TSPAN11: variants seen among roughly 807,000 people sequenced by gnomAD.
The protein encoded by TSPAN11 is tetraspanin 11, also known as tetraspanin-11.
TSPAN11 carries 29 observed loss-of-function variants against 32.9 expected under a neutral mutation model. That is an observed-to-expected ratio of 0.88 (90% CI 0.66 to 1.20). The LOEUF (loss-of-function observed/expected upper bound fraction) is 1.20, where lower values mean the gene tolerates loss of function less well. Ranked by LOEUF, TSPAN11 falls within the 50% of genes most tolerant of loss-of-function variation. TSPAN11 has a pLI of 0.00. For synonymous variants in TSPAN11, 140 were observed against 141.3 expected, an observed-to-expected ratio of 0.99 and a Z score of 0.07; for missense variants, 283 against 329.1, an observed-to-expected ratio of 0.86 and a Z score of 1.08.
At chr12:30,979,292 C>A (rs918621138) in intron 4 of TSPAN11, among the ~76,000 whole-genome samples, 1 of 152,176 alleles carries the variant, frequency 6.6e-6, no homozygotes, top group African/African-American at 2.4e-5. Context: ...CTGGATGTGA[C>A]CCTTTACCTG....
At chr12:30,939,575 TC>T (rs2140273911) in intron 1 of TSPAN11, among the ~76,000 whole-genome samples, 1 of 152,318 alleles carries the variant, frequency 6.6e-6, no homozygotes, top group African/African-American at 2.4e-5. Flanking sequence ...CACTTTTGAT[TC>T]TGAGTTCTGC....
the TSPAN11 span, among the ~76,000 whole-genome samples, chr12:31,007,055 C>T: frequency 4.6e-5 from 7 of 152,158 alleles, no homozygotes; most frequent in African/African-American, 1.4e-4. Context: ...GGGGGGGCCC[C>T]TCCCCAGGGG....
At position 30,979,626 on chromosome 12, in the gene TSPAN11, G is replaced by A. The variant is rs369268483; in HGVS notation, c.412G>A (p.Gly138Arg). ...TCTGGCTGAGAACTACGGGCAGCCC[G>A]GAGCCACGCAGATCACCGCCTCAGT... ...RTLAENYGQP[G>R]ATQITASVDR... is the part of the protein sequence containing the mutation. Residue 138 changes from glycine to arginine, a missense_variant, in exon 5 of 8, where the codon GGA (glycine) becomes AGA (arginine). Gly to Arg is a moderately radical substitution (Grantham distance 125, BLOSUM62 -2). Transcript: ENST00000546076. 2.6e-5 allele frequency: 42 copies of A among 1,614,140 alleles called. No homozygotes were observed. Among genetic ancestry groups the A allele is most frequent in the African/African-American group, 1.5e-4 (11 of 75,054 alleles).
At chr12:30,944,292 TA>T (rs1938224194) in intron 1 of TSPAN11, among the ~76,000 whole-genome samples, 1 of 152,172 alleles carries the variant, frequency 6.6e-6, no homozygotes, top group Non-Finnish European at 1.5e-5. Context: ...AATATATTAT[TA>T]ACTATAGTTA....
chr12:30,991,151 C>T (rs188157446), intron 7 of TSPAN11, among the ~76,000 whole-genome samples: 1 of 152,314 alleles, frequency 6.6e-6, no homozygotes, highest in African/African-American at 2.4e-5. Flanking sequence ...GCTGTGGATA[C>T]CGACAGAAGG....
At chr12:30,946,551 A>C (rs1938270549) in intron 1 of TSPAN11, among the ~76,000 whole-genome samples, 1 of 152,194 alleles carries the variant, frequency 6.6e-6, no homozygotes, top group Admixed American at 6.5e-5. Flanking sequence ...CAGCCTGCTA[A>C]GTAAATATGG....
At position 30,927,137 on chromosome 12, in the gene TSPAN11, A is replaced by G. The variant is rs755279369; in HGVS notation, c.-12+341A>G. ...TCGTGCCGTCCAGCGTGCCCGGGGC[A>G]TGTCTGTTCCTCTTGAAAATGTCAT... On this transcript the variant is annotated intron_variant, in intron 1 of 7. Transcript: ENST00000546076. The G allele has an allele frequency of 3.8e-6, 3 of 789,696 alleles. No homozygotes were observed. The African/African-American group carries it at 5.7e-5, about 15-fold the overall frequency. 48.9% of individuals were successfully genotyped at this position (789,696 alleles called of 1,614,324 possible).
the TSPAN11 span, among the ~76,000 whole-genome samples, chr12:31,004,446 A>T: frequency 6.6e-6 from 1 of 152,078 alleles, no homozygotes; most frequent in Non-Finnish European, 1.5e-5. Flanking sequence ...TGGGAAGGAG[A>T]TAGAGATCAT....
chr12:31,013,981 C>T, the TSPAN11 span, among the ~76,000 whole-genome samples: 1 of 152,218 alleles, frequency 6.6e-6, no homozygotes, highest in Non-Finnish European at 1.5e-5. Flanking sequence ...ATATTGATTA[C>T]ATGCTAAAAT....
Position 30,994,794 on chromosome 12 carries a change from G to A in TSPAN11, c.*2879G>A, listed in dbSNP as rs925921714. 13 of 152,148 alleles carry A rather than the reference G, an allele frequency of 8.5e-5. No homozygotes were observed. The highest frequency in any genetic ancestry group is 2.9e-4 in the African/African-American group (12 of 41,430). 9.4% of individuals were successfully genotyped at this position (152,148 alleles called of 1,614,324 possible). ...TATCTCGCAGTTACCCCAGCAAGAGGGTGTTATTTCCCCCATTTTATAAAA... is the reference window on the plus strand; with the variant it reads ...TATCTCGCAGTTACCCCAGCAAGAGAGTGTTATTTCCCCCATTTTATAAAA... On this transcript the variant is annotated 3_prime_UTR_variant, in exon 8 of 8. Transcript: ENST00000546076.
At position 30,982,540 on chromosome 12, in the gene TSPAN11, C is replaced by T; in HGVS notation, c.465C>T (p.Cys155=). Residue 155 remains cysteine, a synonymous_variant, in exon 6 of 8, where the codon TGC becomes TGT. Coordinates refer to ENST00000546076, the MANE Select transcript of TSPAN11 (RefSeq NM_001370302.1). ...SVDRLQQDFK[C]CGSNSSADWQ... ...TCTGCCTCTGCCTCCAGTTCAAGTG[C>T]TGTGGAAGCAACAGCTCAGCCGACT... is the stretch of plus-strand genomic sequence containing the variant. The T allele has an allele frequency of 6.2e-7, 1 of 1,607,622 alleles. No individual in the cohort carries two copies. The highest frequency in any genetic ancestry group is 8.5e-7 in the Non-Finnish European group (1 of 1,175,258).
rs73286411 is a variant in TSPAN11 at position 30,930,391 on chromosome 12, G to A, written c.-12+3595G>A. ...CTAAGTGGCACTCACCCAAGCCCCA[G>A]CTGGAGCTGCGAGAAGGAAAGGTGT... On this transcript the variant is annotated intron_variant, in intron 1 of 7. Transcript: ENST00000546076. Among the ~76,000 whole-genome samples, 561 of 152,280 alleles carry A rather than the reference G, an allele frequency of 3.7e-3. 6 individuals are homozygous for A. Among genetic ancestry groups the A allele is most frequent in the African/African-American group, 0.013 (536 of 41,552 alleles).
chr12:30,991,923 C>A lies in TSPAN11; in HGVS notation c.*8C>A, dbSNP rs1450001260. 1.3e-5 allele frequency: 21 copies of A among 1,614,046 alleles called. No homozygotes were observed. Among genetic ancestry groups the A allele is most frequent in the East Asian group, 2.2e-5 (1 of 44,888 alleles). On this transcript the variant is annotated 3_prime_UTR_variant, in exon 8 of 8. Coordinates refer to ENST00000546076, the MANE Select transcript of TSPAN11 (RefSeq NM_001370302.1). Reference sequence around the variant, plus strand: ...CAGCGGCATTTTTACTAATGGCCAACCACCTCCTCTTCCAACTGCCCCTCA... The same window carrying A: ...CAGCGGCATTTTTACTAATGGCCAAACACCTCCTCTTCCAACTGCCCCTCA...
chr12:31,002,231 A>T, the TSPAN11 span, among the ~76,000 whole-genome samples: 1 of 152,002 alleles, frequency 6.6e-6, no homozygotes, highest in Non-Finnish European at 1.5e-5. This position sits in a 1 kb window ranked among gnomAD's most constrained non-coding sequence, Gnocchi z 4.8. Context: ...GGGGCCCTGG[A>T]GGCTGATGCC....
Position 30,992,257 on chromosome 12 carries a change from ACCTGGAACAATCGGCAGAAAAC to A in TSPAN11, c.*345_*366del. On this transcript the variant is annotated 3_prime_UTR_variant, in exon 8 of 8. Coordinates refer to ENST00000546076, the MANE Select transcript of TSPAN11 (RefSeq NM_001370302.1). ...TTCTCTGCTCCCTCCCAGCTCCTGA[ACCTGGAACAATCGGCAGAAAAC>A]CCAGGAACCCCGGCACTCCTGCATT... The A allele has an allele frequency of 2.8e-6, 1 of 359,694 alleles. No homozygotes were observed. The allele number at this position is 359,694 out of a possible 1,614,324, so 22.3% of individuals were successfully genotyped here. A position where few individuals can be genotyped will look rare whatever the true frequency, so the allele number is the denominator to read the frequency against.
At chr12:31,013,358 C>T in the TSPAN11 span, among the ~76,000 whole-genome samples, 1 of 151,900 alleles carries the variant, frequency 6.6e-6, no homozygotes, top group African/African-American at 2.4e-5. Flanking sequence ...GTTTGGGAGG[C>T]CATGGTGGAA....
Position 30,992,202 on chromosome 12 carries a change from C to T in TSPAN11, c.*287C>T. The stretch of plus-strand genomic sequence containing the variant: ...GAGCCCCTCACCAGGAACGGGGGCA[C>T]CCGTGGACTACGGGAGGGTGGCGGT... On this transcript the variant is annotated 3_prime_UTR_variant, in exon 8 of 8. Transcript: ENST00000546076. The T allele has an allele frequency of 1.9e-6, 1 of 514,704 alleles. No homozygotes were observed. Among genetic ancestry groups the T allele is most frequent in the Non-Finnish European group, 3.5e-6 (1 of 284,686 alleles). 31.9% of individuals were successfully genotyped at this position (514,704 alleles called of 1,614,324 possible).
the TSPAN11 span, among the ~76,000 whole-genome samples, chr12:31,008,066 G>A: frequency 6.6e-6 from 1 of 151,652 alleles, no homozygotes; most frequent in Non-Finnish European, 1.5e-5. Flanking sequence ...GGGTCTCCCA[G>A]GGTCTGAGTG....
downstream of TSPAN11, chr12:30,996,733 C>G (rs1939424131): frequency 6.6e-6 from 1 of 152,146 alleles, no homozygotes; most frequent in African/African-American, 2.4e-5. Context: ...AACCATTGGC[C>G]ACATTGGATA....
Sources: gnomAD v4.1 joint callset for allele counts (sites outside exome capture counted in the v4.1 genomes callset) on GRCh38, gnomAD v4.1.1 for gene constraint, Gnocchi (gnomAD v3.1) non-coding constraint, MANE v1.5 for transcripts, NCBI Gene and HGNC (gene_info 2026-07-23, HGNC 2026-07-21) for gene names.